CYP11A1: variants seen among roughly 807,000 people sequenced by gnomAD.
CYP11A1 encodes the protein cytochrome P450 family 11 subfamily A member 1.
CYP11A1 carries 25 observed loss-of-function variants against 51.9 expected under a neutral mutation model. The ratio of observed to expected loss-of-function variants is 0.48; its 90% CI spans 0.35 to 0.67. The LOEUF (loss-of-function observed/expected upper bound fraction) is 0.67, where lower values mean the gene tolerates loss of function less well. Ranked by LOEUF, CYP11A1 falls within the 30% of genes least tolerant of loss-of-function variation. The pLI, the probability that CYP11A1 is intolerant of heterozygous loss-of-function variation, is 0.00. For missense variants in CYP11A1, 578 were observed against 680.9 expected, an observed-to-expected ratio of 0.85 and a Z score of 1.68; for synonymous variants, 245 against 262.1, an observed-to-expected ratio of 0.93 and a Z score of 0.63.
chr15:74,366,943 T>A, intron 1 of CYP11A1: 1 of 255,174 alleles, frequency 3.9e-6, no homozygotes, highest in Non-Finnish European at 7.7e-6. Flanking sequence ...CTCGAACTCT[T>A]GATCTCAAGT....
chr15:74,359,025 A>T (rs535369923), intron 1 of CYP11A1, among the ~76,000 whole-genome samples: 4 of 152,190 alleles, frequency 2.6e-5, no homozygotes, highest in African/African-American at 9.7e-5. Context: ...GCACTCTCTA[A>T]TCGGATGTCC....
intron 1 of CYP11A1, chr15:74,365,327 A>AG (rs2060727435): frequency 7.1e-6 from 1 of 141,458 alleles, no homozygotes; most frequent in Non-Finnish European, 1.6e-5. Flanking sequence ...AAAAAAAAAA[A>AG]GGCCTTTCCT....
chr15:74,350,830 C>T (rs2060652716), intron 1 of CYP11A1: 1 of 152,210 alleles, frequency 6.6e-6, no homozygotes, highest in South Asian at 2.1e-4. Context: ...TCCCTTCATC[C>T]CTTCCGTGCT....
In CYP11A1 at chr15:74,358,171, CA is replaced by C. The variant is rs375230777; in HGVS notation, c.269+9145del. Among the ~76,000 whole-genome samples the C allele has an allele frequency of 1.5e-3, 233 of 152,318 alleles. 1 individual carries two copies. The highest frequency in any genetic ancestry group is 5.3e-3 in the African/African-American group (222 of 41,570). ...TGGAGTCATTCACTGCAAGGGCCAT[CA>C]AAAGGCATCAGATCCCATTGCTCTG... is the stretch of plus-strand genomic sequence containing the variant. On this transcript the variant is annotated intron_variant, in intron 1 of 8. Coordinates refer to ENST00000268053, the MANE Select transcript of CYP11A1 (RefSeq NM_000781.3).
chr15:74,350,309 T>C (rs2060650319), intron 1 of CYP11A1: 2 of 204,446 alleles, frequency 9.8e-6, no homozygotes, highest in Non-Finnish European at 2.2e-5. Flanking sequence ...AAAAGTTGTA[T>C]TTTAAATTCC....
rs2060630464 is a variant in CYP11A1, at chr15:74,345,877, A to G, written c.426-634T>C. Among the ~76,000 whole-genome samples the G allele has an allele frequency of 6.6e-6, 1 of 152,216 alleles. No individual in the cohort carries two copies. The highest frequency in any genetic ancestry group is 1.5e-5 in the Non-Finnish European group (1 of 68,030). On this transcript the variant is annotated intron_variant, in intron 2 of 8. Coordinates refer to ENST00000268053, the MANE Select transcript of CYP11A1 (RefSeq NM_000781.3). This position sits in a 1 kb window ranked among gnomAD's most constrained non-coding sequence, Gnocchi z 4.3. ...TATTATCACAAACTTACCACCCACC[A>G]TAGAAACTAGGAACTTGACAGTAAC...
intron 1 of CYP11A1, 56 bp from the exon 2 acceptor site, chr15:74,348,111 A>C (rs1374237521): frequency 1.9e-6 from 3 of 1,593,272 alleles, no homozygotes; most frequent in African/African-American, 2.7e-5. Flanking sequence ...CTATGGATAC[A>C]GGCTCAGCAC....
At chr15:74,347,864 C>T (rs759995450) in intron 2 of CYP11A1, 36 bp downstream of exon 2, 1 of 1,611,806 alleles carries the variant, frequency 6.2e-7, no homozygotes, top group African/African-American at 1.3e-5. Context: ...TCCCCACCAC[C>T]TCCCTCCAGT....
chr15:74,338,847 C>T, intron 7 of CYP11A1, 79 bp from the exon 8 acceptor site: 1 of 1,325,512 alleles, frequency 7.5e-7, no homozygotes, highest in African/African-American at 1.4e-5. Context: ...CCCTAGTCCC[C>T]TGCCCTCTCA....
At chr15:74,342,724 A>G (rs751984765) in intron 5 of CYP11A1, among the ~76,000 whole-genome samples, 24 of 152,136 alleles carry the variant, frequency 1.6e-4, no homozygotes, top group Non-Finnish European at 8.8e-5. Context: ...GGACCTCACC[A>G]CCATGCCCGG....
At chr15:74,347,618 A>G (rs767482266) in intron 2 of CYP11A1, among the ~76,000 whole-genome samples, 9 of 152,194 alleles carry the variant, frequency 5.9e-5, no homozygotes, top group Non-Finnish European at 8.8e-5. Flanking sequence ...GGTGGGACTC[A>G]GTGAGCAAAC....
chr15:74,348,259 A>G (rs1489184530), intron 1 of CYP11A1: 1 of 601,758 alleles, frequency 1.7e-6, no homozygotes, highest in Non-Finnish European at 3.0e-6. Context: ...AGGACAAGAC[A>G]ATAGGAAGTA....
intron 1 of CYP11A1, chr15:74,365,650 C>T (rs905124645): frequency 1.0e-6 from 1 of 983,382 alleles, no homozygotes; most frequent in African/African-American, 1.7e-5. Flanking sequence ...CTTTTACCCA[C>T]CACCATCCCA....
At chr15:74,355,884 C>T (rs970339714) in intron 1 of CYP11A1, among the ~76,000 whole-genome samples, 5 of 152,246 alleles carry the variant, frequency 3.3e-5, no homozygotes, top group Non-Finnish European at 1.5e-5. Context: ...CGCTTTACAG[C>T]CCTAGACCCT....
At chr15:74,358,282 C>T (rs1386256777) in intron 1 of CYP11A1, among the ~76,000 whole-genome samples, 5 of 152,194 alleles carry the variant, frequency 3.3e-5, no homozygotes, top group Non-Finnish European at 7.3e-5. Flanking sequence ...TCCTTCTCAT[C>T]GGTCACTCCC....
intron 5 of CYP11A1, among the ~76,000 whole-genome samples, chr15:74,340,353 C>A (rs1249494690): frequency 1.3e-5 from 2 of 152,170 alleles, no homozygotes; most frequent in African/African-American, 2.4e-5. Context: ...GACCACTAGC[C>A]CTTCGCCAGA....
chr15:74,345,104 C>T lies in CYP11A1; in HGVS notation c.565G>A (p.Ala189Thr). 6.2e-7 allele frequency: 1 copy of T among 1,614,156 alleles called. No homozygotes were observed. The change falls in exon 3 of 9, where the codon GCG (alanine) becomes ACG (threonine). Residue 189 changes from alanine (A) to threonine (T), a missense_variant. Transcript: ENST00000268053. This position sits in a 1 kb window ranked among gnomAD's most constrained non-coding sequence, Gnocchi z 4.3. ...TCCCCCGAGTAATTTCCGGAGCCCG[C>T]CTTCTTGATGCGCCTGTGCAGGACA... ...VSVLHRRIKKAGSGNYSGDIS... is the reference protein window; with the variant it reads ...VSVLHRRIKKTGSGNYSGDIS...
At chr15:74,339,861 C>G in intron 5 of CYP11A1, 108 bp from the exon 6 acceptor site, 2 of 1,072,722 alleles carry the variant, frequency 1.9e-6, no homozygotes, top group Non-Finnish European at 1.4e-6. Flanking sequence ...CTCTTTCTCC[C>G]CGAACCCCAT....
chr15:74,362,507 C>T (rs1466093122), intron 1 of CYP11A1: 1 of 157,350 alleles, frequency 6.4e-6, no homozygotes, highest in Admixed American at 6.1e-5. Flanking sequence ...CAGAGAAAGA[C>T]TGTCCTTGCC....
Sources: gnomAD v4.1 joint callset for allele counts (sites outside exome capture counted in the v4.1 genomes callset) on GRCh38, gnomAD v4.1.1 for gene constraint, Gnocchi (gnomAD v3.1) non-coding constraint, MANE v1.5 for transcripts, NCBI Gene and HGNC (gene_info 2026-07-23, HGNC 2026-07-21) for gene names.